Variants in SSX2IP observed in about 807,000 individuals in gnomAD.
SSX2IP encodes SSX family member 2 interacting protein.
In SSX2IP, 55 loss-of-function variants were observed where a neutral mutation model predicts 84.9. The ratio of observed to expected loss-of-function variants is 0.65; its 90% CI spans 0.52 to 0.81. SSX2IP has a LOEUF of 0.81. Among genes scored for constraint, SSX2IP ranks in the 30% least tolerant of loss-of-function variants. The probability of loss-of-function intolerance (pLI) is 0.00; values close to 1 mark genes in which losing one functional copy is unlikely to be tolerated. For synonymous variants in SSX2IP, 239 were observed against 234.7 expected (o/e 1.02, Z -0.17); for missense variants, 664 against 705.2 (o/e 0.94, Z 0.66).
chr1:84,687,350 C>T (rs1032119028), intron 1 of SSX2IP, among the ~76,000 whole-genome samples: 4 of 152,114 alleles, frequency 2.6e-5, no homozygotes, highest in Admixed American at 1.3e-4. Context: ...CTTATTTTTG[C>T]TAATTTGAAA....
Position 84,647,614 on chromosome 1 carries a change from G to T in SSX2IP, c.1671-7C>A, listed in dbSNP as rs1415782534. On this transcript the variant is annotated splice_region_variant and splice_polypyrimidine_tract_variant and intron_variant, in intron 13 of 13. Coordinates refer to ENST00000342203, the MANE Select transcript of SSX2IP (RefSeq NM_001166293.2). ...ATTCAGTACATTGATTGAACTGTTG[G>T]GAAAAGAAAGGCAGATCTTAGTGAC... 13 of 1,551,110 alleles carry T rather than the reference G, an allele frequency of 8.4e-6. No homozygotes were observed. Among genetic ancestry groups the T allele is most frequent in the Non-Finnish European group, 1.1e-5 (13 of 1,144,498 alleles).
rs1005069098 is a variant in SSX2IP at position 84,650,538 on chromosome 1, A to G, written c.1505-11T>C. ...TGTCCCAATCAGAACCTGTTGTAAA[A>G]CAAGTAAGAGAAAAAGGCAGTACAT... On this transcript the variant is annotated splice_polypyrimidine_tract_variant and intron_variant, in intron 12 of 13. Coordinates refer to ENST00000342203, the MANE Select transcript of SSX2IP (RefSeq NM_001166293.2). 2.5e-6 allele frequency: 4 copies of G among 1,613,966 alleles called. No homozygotes were observed. In the African/African-American group the frequency reaches 5.3e-5, roughly 22 times the overall value.
chr1:84,664,251 T>C (rs1274873789), intron 6 of SSX2IP, among the ~76,000 whole-genome samples, 166 bp downstream of exon 6: 8 of 152,176 alleles, frequency 5.3e-5, no homozygotes, highest in Non-Finnish European at 7.4e-5. Context: ...TACTTTCCAC[T>C]AACCAGTTGT....
At chr1:84,670,539 A>G in intron 3 of SSX2IP, 107 bp downstream of exon 3, 1 of 708,500 alleles carries the variant, frequency 1.4e-6, no homozygotes, top group Non-Finnish European at 2.2e-6. Context: ...TCTCAGGGGC[A>G]CTACATAAAC....
chr1:84,648,638 T>C (rs1253832136), intron 13 of SSX2IP, among the ~76,000 whole-genome samples: 1 of 152,200 alleles, frequency 6.6e-6, no homozygotes. Context: ...GAGACAACTA[T>C]GTTATGCTAT....
Position 84,645,698 on chromosome 1 carries a change from T to C in SSX2IP, c.*1735A>G, listed in dbSNP as rs1407123858. 1 of 152,218 alleles carries C rather than the reference T, an allele frequency of 6.6e-6. No individual in the cohort carries two copies. Among genetic ancestry groups the C allele is most frequent in the African/African-American group, 2.4e-5 (1 of 41,464 alleles). The allele number at this position is 152,218 out of a possible 1,614,324, so 9.4% of individuals were successfully genotyped here. A position where few individuals can be genotyped will look rare whatever the true frequency, so the allele number is the denominator to read the frequency against. ...CTGATTGCCTTTTTGACCATGTTAT[T>C]GCTAAATAGCAAAACAAACAAAAAC... On this transcript the variant is annotated 3_prime_UTR_variant, in exon 14 of 14. Coordinates refer to ENST00000342203, the MANE Select transcript of SSX2IP (RefSeq NM_001166293.2).
chr1:84,665,808 A>G (rs1652702802), intron 5 of SSX2IP, among the ~76,000 whole-genome samples: 1 of 152,200 alleles, frequency 6.6e-6, no homozygotes, highest in South Asian at 2.1e-4. Context: ...AAAGATCTGC[A>G]TTTAAAGCAC....
At chr1:84,658,232 C>A in intron 9 of SSX2IP, 86 bp downstream of exon 9, 1 of 1,479,298 alleles carries the variant, frequency 6.8e-7, no homozygotes, top group Non-Finnish European at 9.3e-7. Flanking sequence ...TAGCTCTGAG[C>A]CTATAATGCG....
At chr1:84,655,789 C>T (rs1178043795) in intron 11 of SSX2IP, 43 bp downstream of exon 11, 7 of 1,589,432 alleles carry the variant, frequency 4.4e-6, no homozygotes, top group Non-Finnish European at 6.0e-6. Flanking sequence ...TGAGGCCCAC[C>T]CACCCCCAGT....
intron 4 of SSX2IP, among the ~76,000 whole-genome samples, chr1:84,667,746 C>T (rs1652965154): frequency 6.6e-6 from 1 of 152,146 alleles, no homozygotes; most frequent in Non-Finnish European, 1.5e-5. Context: ...CGCATTTACA[C>T]AAGTCATATA....
At position 84,666,103 on chromosome 1, in the gene SSX2IP, GCAATAACTGA is replaced by G; in HGVS notation, c.537+9_537+18del. 3 of 1,572,250 alleles carry G rather than the reference GCAATAACTGA, an allele frequency of 1.9e-6. No homozygotes were observed. The South Asian group carries it at 3.4e-5, about 18-fold the overall frequency. On this transcript the variant is annotated intron_variant, in intron 5 of 13. Transcript: ENST00000342203. ...ACAAAAATTCACTTAAACTTCATCT[GCAATAACTGA>G]CAACTCACCTCATCTTTCTCATTCT... is the stretch of plus-strand genomic sequence containing the variant.
Position 84,655,989 on chromosome 1 carries a change from G to A in SSX2IP, c.1232C>T (p.Ala411Val). The change falls in exon 11 of 14, where the codon GCA becomes GTA. Residue 411 changes from alanine to valine, a missense_variant. Coordinates refer to ENST00000342203, the MANE Select transcript of SSX2IP (RefSeq NM_001166293.2). The stretch of plus-strand genomic sequence containing the variant: ...TAGTGAAGTGGTATCATCATCATAT[G>A]CAGTAGCGAGCTGCTGCTATTAAAA... Reference protein sequence around the residue: ...QQLLQQQLATAYDDDTTSLLR... With the variant: ...QQLLQQQLATVYDDDTTSLLR... The A allele has an allele frequency of 6.2e-7, 1 of 1,611,572 alleles. No individual in the cohort carries two copies.
At chr1:84,689,709 A>T (rs1373865765) in intron 1 of SSX2IP, among the ~76,000 whole-genome samples, 1 of 152,224 alleles carries the variant, frequency 6.6e-6, no homozygotes, top group Non-Finnish European at 1.5e-5. Flanking sequence ...GGCTCAAAAA[A>T]TGTGCAGGGA....
At chr1:84,648,409 A>G (rs956125064) in intron 13 of SSX2IP, among the ~76,000 whole-genome samples, 1 of 152,198 alleles carries the variant, frequency 6.6e-6, no homozygotes, top group African/African-American at 2.4e-5. Context: ...AAGCATGTTT[A>G]TATTTGTTTA....
chr1:84,653,382 C>CCT (rs1352091700), intron 11 of SSX2IP, among the ~76,000 whole-genome samples: 2 of 152,142 alleles, frequency 1.3e-5, no homozygotes, highest in East Asian at 3.9e-4. Flanking sequence ...TTATGTCAAA[C>CCT]CTCCCCCTTC....
intron 1 of SSX2IP, among the ~76,000 whole-genome samples, chr1:84,677,397 T>G (rs1654510586): frequency 6.6e-6 from 1 of 152,214 alleles, no homozygotes; most frequent in African/African-American, 2.4e-5. Context: ...TAAAGTTCGT[T>G]GGCTAGCTCA....
rs1018212603 is a variant in SSX2IP at position 84,645,816 on chromosome 1, T to C, written c.*1617A>G. On this transcript the variant is annotated 3_prime_UTR_variant, in exon 14 of 14. Coordinates refer to ENST00000342203, the MANE Select transcript of SSX2IP (RefSeq NM_001166293.2). Reference sequence around the variant, plus strand: ...TTTGTACAATGTGTAGTATTTTAAATAGTAAAGAAGTGACCATGCATCAAG... The same window carrying C: ...TTTGTACAATGTGTAGTATTTTAAACAGTAAAGAAGTGACCATGCATCAAG... 3 of 152,180 alleles carry C rather than the reference T, an allele frequency of 2.0e-5. No individual in the cohort carries two copies. The highest frequency in any genetic ancestry group is 4.8e-5 in the African/African-American group (2 of 41,446). The allele number at this position is 152,180 out of a possible 1,614,324, so 9.4% of individuals were successfully genotyped here.
chr1:84,690,129 G>C (rs1656399850), intron 1 of SSX2IP: 3 of 152,294 alleles, frequency 2.0e-5, no homozygotes, highest in East Asian at 1.9e-4. Flanking sequence ...ACGCCAGCGA[G>C]AGCGGTCCCG....
intron 1 of SSX2IP, among the ~76,000 whole-genome samples, chr1:84,676,420 G>A (rs1435532138): frequency 6.6e-6 from 1 of 152,112 alleles, no homozygotes; most frequent in Admixed American, 6.5e-5. Flanking sequence ...TACTTTTGAA[G>A]TAGTAAGTAC....
Sources: allele counts gnomAD v4.1 joint callset (sites outside exome capture counted in the v4.1 genomes callset), GRCh38; gene constraint gnomAD v4.1.1; transcripts MANE v1.5; gene names NCBI Gene and HGNC (gene_info 2026-07-23, HGNC 2026-07-21).